Variants in MCTP1 observed in about 807,000 individuals in gnomAD.
MCTP1 encodes the protein multiple C2 and transmembrane domain containing 1, also known as multiple C2 and transmembrane domain-containing protein 1.
In MCTP1, 69 loss-of-function variants were observed where a neutral mutation model predicts 120.6. The ratio of observed to expected loss-of-function variants is 0.57; its 90% confidence interval spans 0.47 to 0.70. The LOEUF (loss-of-function observed/expected upper bound fraction) is 0.70. Ranked by LOEUF, MCTP1 falls within the 30% of genes least tolerant of loss-of-function variation. MCTP1 has a pLI of 0.00. For synonymous variants in MCTP1, 529 were observed against 493.1 expected (o/e 1.07, Z -0.96); for missense variants, 1,203 against 1,248.8 (o/e 0.96, Z 0.55).
chr5:94,931,689 C>T, intron 6 of MCTP1: 1 of 367,448 alleles, frequency 2.7e-6, no homozygotes, highest in East Asian at 4.4e-5. Context: ...TTTTCTAGAC[C>T]CTGTTGCATA....
At chr5:94,855,515 T>C (rs1347281950) in intron 17 of MCTP1, among the ~76,000 whole-genome samples, 1 of 151,854 alleles carries the variant, frequency 6.6e-6, no homozygotes. Context: ...CTGCTAGTTA[T>C]ATCATTCTAT....
intron 17 of MCTP1, among the ~76,000 whole-genome samples, chr5:94,807,887 A>T (rs1488244802): frequency 6.6e-6 from 1 of 152,204 alleles, no homozygotes; most frequent in Non-Finnish European, 1.5e-5. Flanking sequence ...CTTACAAAAG[A>T]AGAAACTATA....
intron 18 of MCTP1, among the ~76,000 whole-genome samples, chr5:94,782,548 A>G (rs1776787243): frequency 6.6e-6 from 1 of 152,148 alleles, no homozygotes. Flanking sequence ...AACTGTATAT[A>G]TTACTGAAGT....
intron 2 of MCTP1, among the ~76,000 whole-genome samples, chr5:94,983,661 G>GTCAATCTATCTATCTATCTA (rs1357815406): frequency 8.9e-3 from 143 of 16,082 alleles, no homozygotes; most frequent in Middle Eastern, 0.083. Flanking sequence ...CTGTCTGTCT[G>GTCAATCTATCTATCTATCTA]TCTGTCAATC....
chr5:95,119,831 AT>A (rs1426146116), intron 1 of MCTP1, among the ~76,000 whole-genome samples: 1 of 152,144 alleles, frequency 6.6e-6, no homozygotes, highest in Non-Finnish European at 1.5e-5. Context: ...GAAATCCAAA[AT>A]CTGAATAGAC....
At chr5:95,096,975 G>A (rs1756316580) in intron 1 of MCTP1, among the ~76,000 whole-genome samples, 1 of 152,104 alleles carries the variant, frequency 6.6e-6, no homozygotes, top group Admixed American at 6.5e-5. Context: ...GCATTTTCAT[G>A]ATGTTTAAAT....
At chr5:94,721,387 T>C (rs1295331407) in intron 19 of MCTP1, among the ~76,000 whole-genome samples, 1 of 152,178 alleles carries the variant, frequency 6.6e-6, no homozygotes, top group Non-Finnish European at 1.5e-5. Context: ...TGATGTATGA[T>C]TATTGGCTAA....
intron 1 of MCTP1, among the ~76,000 whole-genome samples, chr5:95,048,342 G>A (rs1582023573): frequency 6.6e-6 from 1 of 152,116 alleles, no homozygotes; most frequent in East Asian, 1.9e-4. Context: ...TGCACCCCAT[G>A]GAAGGAGAGA....
At chr5:95,158,121 A>AATGTT (rs1032716975) in intron 1 of MCTP1, among the ~76,000 whole-genome samples, 2 of 152,232 alleles carry the variant, frequency 1.3e-5, no homozygotes, top group Non-Finnish European at 2.9e-5. Flanking sequence ...ACACAACGAA[A>AATGTT]ATGTTACATA....
At chr5:95,113,661 C>A (rs1191494097) in intron 1 of MCTP1, among the ~76,000 whole-genome samples, 1 of 152,192 alleles carries the variant, frequency 6.6e-6, no homozygotes, top group African/African-American at 2.4e-5. Flanking sequence ...CTTATCATCG[C>A]AGGCTAAAGT....
intron 17 of MCTP1, among the ~76,000 whole-genome samples, chr5:94,840,851 G>C (rs1240699909): frequency 6.6e-6 from 1 of 152,166 alleles, no homozygotes; most frequent in Non-Finnish European, 1.5e-5. Flanking sequence ...GATTTGTTTT[G>C]AAGCTGCATC....
intron 10 of MCTP1, among the ~76,000 whole-genome samples, chr5:94,899,793 G>A (rs909347033): frequency 5.3e-5 from 8 of 152,184 alleles, no homozygotes; most frequent in African/African-American, 1.9e-4. Flanking sequence ...ACCAGAAACA[G>A]TGACCAATCC....
intron 1 of MCTP1, among the ~76,000 whole-genome samples, chr5:95,143,609 A>T (rs1760121685): frequency 6.6e-6 from 1 of 151,898 alleles, no homozygotes; most frequent in African/African-American, 2.4e-5. Flanking sequence ...TCTTTGTGTC[A>T]ATTTGTATTT....
chr5:95,065,943 G>A (rs1193496354), intron 1 of MCTP1, among the ~76,000 whole-genome samples: 1 of 152,000 alleles, frequency 6.6e-6, no homozygotes, highest in African/African-American at 2.4e-5. Flanking sequence ...TTTTTATATC[G>A]GTGTGGGCAA....
intron 12 of MCTP1, among the ~76,000 whole-genome samples, chr5:94,884,667 A>G (rs901998863): frequency 2.6e-5 from 4 of 152,134 alleles, no homozygotes; most frequent in African/African-American, 4.8e-5. Flanking sequence ...GAAATTGAAC[A>G]CATCTTAATT....
At chr5:95,041,535 A>G (rs760571761) in intron 1 of MCTP1, among the ~76,000 whole-genome samples, 4 of 152,148 alleles carry the variant, frequency 2.6e-5, no homozygotes, top group Non-Finnish European at 5.9e-5. Context: ...TGAGAAAGAT[A>G]CATTTCCCTG....
intron 1 of MCTP1, among the ~76,000 whole-genome samples, chr5:95,199,088 G>A (rs1053957294): frequency 1.3e-5 from 2 of 151,964 alleles, no homozygotes; most frequent in Non-Finnish European, 2.9e-5. Flanking sequence ...AACATAATGT[G>A]GCATTTTAGG....
At chr5:95,095,899 AG>A (rs1756227204) in intron 1 of MCTP1, among the ~76,000 whole-genome samples, 1 of 152,158 alleles carries the variant, frequency 6.6e-6, no homozygotes, top group African/African-American at 2.4e-5. Flanking sequence ...GGGGAGGCCC[AG>A]AAGGCAGTGA....
chr5:95,118,570 C>T (rs1408217791), intron 1 of MCTP1, among the ~76,000 whole-genome samples: 1 of 152,116 alleles, frequency 6.6e-6, no homozygotes, highest in Non-Finnish European at 1.5e-5. Context: ...GGACAAAACT[C>T]TCCAATTAAA....
Sources: gnomAD v4.1 joint callset for allele counts (sites outside exome capture counted in the v4.1 genomes callset) on GRCh38, gnomAD v4.1.1 for gene constraint, MANE v1.5 for transcripts, NCBI Gene and HGNC (gene_info 2026-07-23, HGNC 2026-07-21) for gene names.